The following SLC6A16 variants were observed in gnomAD, a reference collection of about 807,000 sequenced individuals.
SLC6A16 encodes the protein solute carrier family 6 member 16, also known as orphan sodium- and chloride-dependent neurotransmitter transporter NTT5.
SLC6A16 carries 54 observed loss-of-function variants against 65.4 expected under a neutral mutation model. The observed-to-expected ratio is 0.83, with a 90% CI of 0.66 to 1.04. The LOEUF (loss-of-function observed/expected upper bound fraction) is 1.04, where lower values mean the gene tolerates loss of function less well. SLC6A16 is among the 50% of genes least tolerant of loss of function. The pLI is 0.00. For synonymous variants in SLC6A16, 330 were observed against 346.5 expected (o/e 0.95, Z 0.53); for missense variants, 816 against 914.0 (o/e 0.89, Z 1.38).
At chr19:49,306,679 A>T (rs1023421247) in intron 7 of SLC6A16, among the ~76,000 whole-genome samples, 6 of 151,700 alleles carry the variant, frequency 4.0e-5, no homozygotes, top group African/African-American at 1.5e-4. Context: ...AGTAGCTGGG[A>T]CTACAGGTGT....
chr19:49,314,564 G>A lies in SLC6A16; in HGVS notation c.-64-3153C>T, dbSNP rs567648332. Among the ~76,000 whole-genome samples, 3 of 152,230 alleles carry A rather than the reference G, an allele frequency of 2.0e-5. No individual in the cohort carries two copies. In the East Asian group the frequency reaches 5.8e-4, roughly 29 times the overall value. ...TAAAACAAGATGATGAAAATTTGAT[G>A]GGGACAGGATAATTGCATAGTATTA... On this transcript the variant is annotated intron_variant, in intron 1 of 11. Coordinates refer to ENST00000335875, the MANE Select transcript of SLC6A16 (RefSeq NM_014037.3).
the SLC6A16 span, chr19:49,338,092 A>C: frequency 6.3e-7 from 1 of 1,579,742 alleles, no homozygotes; most frequent in East Asian, 2.3e-5. This position sits in a 1 kb window ranked among gnomAD's most constrained non-coding sequence, Gnocchi z 5.0. Context: ...CTTGGAGGAG[A>C]CTCCACCCCA....
At chr19:49,339,305 T>C in the SLC6A16 span, 1 of 1,606,648 alleles carries the variant, frequency 6.2e-7, no homozygotes, top group Non-Finnish European at 8.5e-7. The surrounding 1 kb of genome is among the most constrained non-coding windows in gnomAD (Gnocchi z 4.5). Context: ...AAAGAATCCC[T>C]TTAACTTTTC....
At position 49,310,308 on chromosome 19, in the gene SLC6A16, CGGTGG is replaced by C. The variant is rs375181497; in HGVS notation, c.573+40_573+44del. 1.9e-4 allele frequency: 311 copies of C among 1,608,422 alleles called. 2 individuals carry two copies. The African/African-American group carries it at 3.4e-3, about 17-fold the overall frequency. On this transcript the variant is annotated intron_variant, in intron 3 of 11. Transcript: ENST00000335875. ...CATTTCAGGAGGAGGGTTGGGATGG[CGGTGG>C]GGTGTAAAAGTCAGGCCTGGGCAGC...
chr19:49,297,285 A>C (rs963719841), intron 7 of SLC6A16, among the ~76,000 whole-genome samples: 7 of 152,240 alleles, frequency 4.6e-5, no homozygotes, highest in Non-Finnish European at 1.0e-4. Flanking sequence ...ATACTTTACA[A>C]GACAAGCTCT....
intron 7 of SLC6A16, among the ~76,000 whole-genome samples, chr19:49,294,941 A>G (rs190436356): frequency 6.6e-6 from 1 of 152,232 alleles, no homozygotes; most frequent in African/African-American, 2.4e-5. Flanking sequence ...ATAATGTCCC[A>G]TGGAGTCGTG....
chr19:49,325,877 T>C (rs1970790035), upstream of SLC6A16, among the ~76,000 whole-genome samples: 1 of 152,094 alleles, frequency 6.6e-6, no homozygotes, highest in African/African-American at 2.4e-5. Context: ...CAAAAGAAAT[T>C]TTGGCGCTGG....
In SLC6A16 at chr19:49,290,411, A is replaced by C. The variant is rs1600600704; in HGVS notation, c.1942-19T>G. 6.2e-6 allele frequency: 10 copies of C among 1,600,584 alleles called. No homozygotes were observed. Among genetic ancestry groups the C allele is most frequent in the East Asian group, 2.2e-5 (1 of 44,696 alleles). On this transcript the variant is annotated intron_variant, in intron 11 of 11. Coordinates refer to ENST00000335875, the MANE Select transcript of SLC6A16 (RefSeq NM_014037.3). ...CTTTTGACTGTGGAGAGATGGGAAA[A>C]GGGTTCAGAATATCAAAATCCCCAA... is the stretch of plus-strand genomic sequence containing the variant.
At chr19:49,314,282 A>C (rs1970580388) in intron 1 of SLC6A16, among the ~76,000 whole-genome samples, 1 of 152,208 alleles carries the variant, frequency 6.6e-6, no homozygotes, top group African/African-American at 2.4e-5. Flanking sequence ...GACTAAAACA[A>C]GAATCCATGA....
In SLC6A16 at chr19:49,313,220, G is replaced by A. The variant is rs144626693; in HGVS notation, c.-64-1809C>T. ...TCTGTCACCCAGGCTGGAATGCAGT[G>A]GCATGATCCACAGTTCACTGCAGCC... On this transcript the variant is annotated intron_variant, in intron 1 of 11. Coordinates refer to ENST00000335875, the MANE Select transcript of SLC6A16 (RefSeq NM_014037.3). 5.3e-3 allele frequency among the ~76,000 whole-genome samples: 813 copies of A among 151,986 alleles called. 6 individuals are homozygous for A. Among genetic ancestry groups the A allele is most frequent in the Middle Eastern group, 0.01 (3 of 294 alleles).
the SLC6A16 span, chr19:49,336,816 A>G: frequency 7.2e-7 from 1 of 1,382,248 alleles, no homozygotes; most frequent in Non-Finnish European, 1.0e-6. Flanking sequence ...GCACCAAGAT[A>G]CTGCTCCCCA....
At chr19:49,336,637 G>A in the SLC6A16 span, 1 of 412,208 alleles carries the variant, frequency 2.4e-6, no homozygotes, top group Non-Finnish European at 4.5e-6. Flanking sequence ...CACAGAACAA[G>A]TGATAGGGCT....
chr19:49,290,299 CA>C lies in SLC6A16; in HGVS notation c.2034del (p.Phe678LeufsTer20). The C allele has an allele frequency of 6.2e-7, 1 of 1,614,004 alleles. No individual in the cohort carries two copies. The highest frequency in any genetic ancestry group is 8.5e-7 in the Non-Finnish European group (1 of 1,180,012). ...GGAATCCTATGTATGCGGCAGTATA[CA>C]AAGTATGCAGGGATGGGGAGGATGA... ...AIVILPIPAY[F>X]VYCRIHRIPF... On this transcript the variant is annotated frameshift_variant, in exon 12 of 12. Transcript: ENST00000335875. LOFTEE classifies it low-confidence loss of function (END_TRUNC).
chr19:49,339,192 T>C, the SLC6A16 span: 3 of 786,586 alleles, frequency 3.8e-6, no homozygotes, highest in Non-Finnish European at 6.4e-6. The surrounding 1 kb of genome is among the most constrained non-coding windows in gnomAD (Gnocchi z 4.5). Flanking sequence ...GGTGCACTAG[T>C]AAGGAGACTA....
At chr19:49,319,366 G>C (rs1298750037) in intron 1 of SLC6A16, among the ~76,000 whole-genome samples, 1 of 151,310 alleles carries the variant, frequency 6.6e-6, no homozygotes, top group Non-Finnish European at 1.5e-5. Context: ...TGTTGACCAA[G>C]TACTCTTCTT....
chr19:49,290,495 T>C (rs1444169990), intron 11 of SLC6A16, 103 bp from the exon 12 acceptor site: 11 of 1,557,032 alleles, frequency 7.1e-6, no homozygotes, highest in East Asian at 2.3e-5. Context: ...AGAAAACCCA[T>C]GAGTCTTCGG....
At chr19:49,331,529 A>G in the SLC6A16 span, 1 of 349,526 alleles carries the variant, frequency 2.9e-6, no homozygotes, top group Non-Finnish European at 5.7e-6. Context: ...CAGGTATTCT[A>G]TTTGTAGTTG....
chr19:49,332,088 G>A, the SLC6A16 span: 3 of 455,756 alleles, frequency 6.6e-6, no homozygotes, highest in Non-Finnish European at 1.3e-5. Context: ...AAATCAAGGT[G>A]TCACCAGGGC....
the SLC6A16 span, chr19:49,339,624 T>C: frequency 1.1e-5 from 16 of 1,432,782 alleles, no homozygotes; most frequent in Non-Finnish European, 1.4e-5. This position sits in a 1 kb window ranked among gnomAD's most constrained non-coding sequence, Gnocchi z 4.5. Flanking sequence ...AGCCTCCTGC[T>C]ATTGGCTGCG....
Sources: gnomAD v4.1 joint callset for allele counts (sites outside exome capture counted in the v4.1 genomes callset) on GRCh38, gnomAD v4.1.1 for gene constraint, Gnocchi (gnomAD v3.1) non-coding constraint, MANE v1.5 for transcripts, NCBI Gene and HGNC (gene_info 2026-07-23, HGNC 2026-07-21) for gene names.